The following CSMD3 variants were observed in gnomAD, a reference collection of about 807,000 sequenced individuals.
CSMD3 encodes CUB and Sushi multiple domains 3.
Under a neutral mutation model 435.2 loss-of-function variants are expected in CSMD3, and 177 were observed. The ratio of observed to expected loss-of-function variants is 0.41; its 90% CI spans 0.36 to 0.46. The LOEUF (loss-of-function observed/expected upper bound fraction) is 0.46. Ranked by LOEUF, CSMD3 falls within the 20% of genes least tolerant of loss-of-function variation. The probability of loss-of-function intolerance (pLI) is 0.34; values close to 1 mark genes in which losing one functional copy is unlikely to be tolerated. For synonymous variants in CSMD3, 1,656 were observed against 1,520.5 expected (o/e 1.09, Z -2.07); for missense variants, 4,265 against 4,504.6 (o/e 0.95, Z 1.52).
chr8:112,619,600 T>C (rs1833912135), intron 22 of CSMD3, among the ~76,000 whole-genome samples: 1 of 152,108 alleles, frequency 6.6e-6, no homozygotes, highest in African/African-American at 2.4e-5. Context: ...TTTGCATCTG[T>C]GGCCACCTTC....
In CSMD3 at chr8:113,104,748, A is replaced by G. The variant is rs148854550; in HGVS notation, c.710-5785T>C. On this transcript the variant is annotated intron_variant, in intron 4 of 70. Transcript: ENST00000297405. ...GTCAAGCTACCTCAGTTCCTTTCAT[A>G]TTAAAACAGATGAAATTAAAATGAA... Among the ~76,000 whole-genome samples, 1,035 of 152,244 alleles carry G rather than the reference A, an allele frequency of 6.8e-3. 13 individuals are homozygous for G. Among genetic ancestry groups the G allele is most frequent in the African/African-American group, 0.024 (994 of 41,556 alleles).
rs534295523 is a variant in CSMD3 at position 112,690,596 on chromosome 8, C to G, written c.1973-546G>C. Among the ~76,000 whole-genome samples, 75 of 146,626 alleles carry G rather than the reference C, an allele frequency of 5.1e-4. 1 individual carries two copies. The Middle Eastern group carries it at 0.01, about 20-fold the overall frequency. On this transcript the variant is annotated intron_variant, in intron 13 of 70. Coordinates refer to ENST00000297405, the MANE Select transcript of CSMD3 (RefSeq NM_198123.2). ...TTATTTTCCCAACTAGACCCCCCCC[C>G]CCAACAAAAAAAAAATCTTCTCAAA...
intron 24 of CSMD3, among the ~76,000 whole-genome samples, chr8:112,569,281 A>G (rs1829307474): frequency 1.3e-5 from 2 of 152,144 alleles, no homozygotes; most frequent in Non-Finnish European, 2.9e-5. Flanking sequence ...CAGCAGAAAG[A>G]CAGGAGCAAA....
chr8:112,478,053 C>T (rs1819243454), intron 31 of CSMD3, among the ~76,000 whole-genome samples: 1 of 152,298 alleles, frequency 6.6e-6, no homozygotes, highest in South Asian at 2.1e-4. Context: ...CTCTCTCTCT[C>T]TTTGCCTGCA....
chr8:113,316,893 G>A (rs1299386972), intron 1 of CSMD3, among the ~76,000 whole-genome samples: 2 of 152,166 alleles, frequency 1.3e-5, no homozygotes, highest in East Asian at 1.9e-4. Context: ...TGACTCCAGT[G>A]ATGAGAAATG....
chr8:113,054,212 A>G (rs1191169788), intron 5 of CSMD3, among the ~76,000 whole-genome samples: 1 of 152,116 alleles, frequency 6.6e-6, no homozygotes, highest in Non-Finnish European at 1.5e-5. Context: ...TTTTCCTTCT[A>G]TTCAGAAAAA....
At chr8:113,302,594 T>C (rs1009497123) in intron 2 of CSMD3, among the ~76,000 whole-genome samples, 1 of 152,024 alleles carries the variant, frequency 6.6e-6, no homozygotes, top group Non-Finnish European at 1.5e-5. Context: ...TATGAGAACA[T>C]TAATATGCTT....
chr8:113,034,249 T>A (rs2087244897), intron 5 of CSMD3, among the ~76,000 whole-genome samples: 1 of 151,588 alleles, frequency 6.6e-6, no homozygotes. Flanking sequence ...AAATTATTCA[T>A]AAATTTACAG....
chr8:112,640,717 A>G (rs2074800331), intron 20 of CSMD3, among the ~76,000 whole-genome samples: 2 of 151,992 alleles, frequency 1.3e-5, no homozygotes, highest in African/African-American at 4.8e-5. Flanking sequence ...TAGACAGATG[A>G]AAGGAAAATG....
intron 10 of CSMD3, among the ~76,000 whole-genome samples, chr8:112,908,744 T>C (rs1363818808): frequency 6.6e-6 from 1 of 151,574 alleles, no homozygotes; most frequent in African/African-American, 2.4e-5. Flanking sequence ...AATATTTTTA[T>C]GGTCATGAAA....
intron 5 of CSMD3, among the ~76,000 whole-genome samples, chr8:113,069,084 T>C (rs2088987876): frequency 6.6e-6 from 1 of 152,064 alleles, no homozygotes. Flanking sequence ...GATTTTCTGA[T>C]ATATATGAAC....
At chr8:113,047,217 T>G (rs2087875039) in intron 5 of CSMD3, among the ~76,000 whole-genome samples, 1 of 152,210 alleles carries the variant, frequency 6.6e-6, no homozygotes, top group African/African-American at 2.4e-5. Context: ...TTACCGTAAA[T>G]ATATTTAATT....
At chr8:112,297,535 G>A (rs996498809) in intron 53 of CSMD3, among the ~76,000 whole-genome samples, 2 of 151,858 alleles carry the variant, frequency 1.3e-5, no homozygotes, top group African/African-American at 4.8e-5. Flanking sequence ...GCCTATTCAC[G>A]ATTAAAAACT....
At chr8:113,055,445 A>C (rs1201136055) in intron 5 of CSMD3, among the ~76,000 whole-genome samples, 1 of 152,128 alleles carries the variant, frequency 6.6e-6, no homozygotes, top group Non-Finnish European at 1.5e-5. Flanking sequence ...TTGTCCTGAG[A>C]CTTAGTCATA....
intron 6 of CSMD3, among the ~76,000 whole-genome samples, chr8:112,994,387 A>G (rs2085567064): frequency 6.6e-6 from 1 of 151,696 alleles, no homozygotes; most frequent in South Asian, 2.1e-4. Flanking sequence ...GGACCACACC[A>G]ATGTGCTTCA....
chr8:112,263,934 G>T, intron 60 of CSMD3, 122 bp from the exon 61 acceptor site: 1 of 861,736 alleles, frequency 1.2e-6, no homozygotes. Flanking sequence ...ACAATATGTT[G>T]TGACATATCT....
chr8:112,315,085 C>T (rs557059898), intron 47 of CSMD3, among the ~76,000 whole-genome samples: 113 of 151,966 alleles, frequency 7.4e-4, no homozygotes, highest in African/African-American at 2.6e-3. Flanking sequence ...GTATTCATTT[C>T]AAGTAAAATC....
intron 63 of CSMD3, among the ~76,000 whole-genome samples, chr8:112,252,631 T>G (rs2130234652): frequency 6.6e-6 from 1 of 150,544 alleles, no homozygotes; most frequent in Admixed American, 6.7e-5. Flanking sequence ...AACTATTTAT[T>G]GTGTTAGATC....
rs190334394 is a variant in CSMD3 at position 112,244,328 on chromosome 8, G to A, written c.10402+66C>T. The A allele has an allele frequency of 6.3e-3, 8,633 of 1,372,726 alleles. 39 individuals carry two copies. The highest frequency in any genetic ancestry group is 7.5e-3 in the Non-Finnish European group (7,274 of 964,644). 85.0% of individuals were successfully genotyped at this position (1,372,726 alleles called of 1,614,324 possible). ...CTATGCTAATTTGAGTTGAGTTTTT[G>A]TCTGGAGCAAAGGAAAGCAATAGTG... On this transcript the variant is annotated intron_variant, in intron 65 of 70. Transcript: ENST00000297405.
Sources: gnomAD v4.1 joint callset for allele counts (sites outside exome capture counted in the v4.1 genomes callset) on GRCh38, gnomAD v4.1.1 for gene constraint, MANE v1.5 for transcripts, NCBI Gene and HGNC (gene_info 2026-07-23, HGNC 2026-07-21) for gene names.